The following SMARCA2 variants were observed in gnomAD, a reference collection of about 807,000 sequenced individuals.
SMARCA2 encodes the protein SWI/SNF-related matrix-associated actin-dependent regulator of chromatin subfamily A member 2.
Under a neutral mutation model 199.8 loss-of-function variants are expected in SMARCA2, and 61 were observed. The observed-to-expected ratio is 0.31, with a 90% confidence interval of 0.25 to 0.38. The LOEUF (loss-of-function observed/expected upper bound fraction) is 0.38, where lower values mean the gene tolerates loss of function less well. SMARCA2 is among the 10% of genes least tolerant of loss of function. The pLI is 1.00. For missense variants in SMARCA2, 1,344 were observed against 2,012.2 expected, an observed-to-expected ratio of 0.67 and a Z score of 6.35; for synonymous variants, 935 against 732.0, an observed-to-expected ratio of 1.28 and a Z score of -4.48.
At position 2,193,363 on chromosome 9, in the gene SMARCA2, C is replaced by T. The variant is rs1378613690; in HGVS notation, c.*624C>T. On this transcript the variant is annotated 3_prime_UTR_variant, in exon 34 of 34. Coordinates refer to ENST00000349721, the MANE Select transcript of SMARCA2 (RefSeq NM_003070.5). ...GTAAACATTGCTTAATTTTTTTGCT[C>T]TTGATTTAAAAAAAAGTTTTGTTGA... 6.6e-6 allele frequency: 1 copy of T among 152,338 alleles called. No individual in the cohort carries two copies. The highest frequency in any genetic ancestry group is 1.5e-5 in the Non-Finnish European group (1 of 67,970). 9.4% of individuals were successfully genotyped at this position (152,338 alleles called of 1,614,324 possible).
chr9:2,148,410 T>C (rs1454575486), intron 27 of SMARCA2, among the ~76,000 whole-genome samples: 1 of 151,512 alleles, frequency 6.6e-6, no homozygotes, highest in Non-Finnish European at 1.5e-5. Context: ...TTATTGACTA[T>C]CAGTTGTATA....
At position 2,104,141 on chromosome 9, in the gene SMARCA2, T is replaced by C. The variant is rs1563770877; in HGVS notation, c.3264T>C (p.Phe1088=). Residue 1088 remains phenylalanine (F), a synonymous_variant, in exon 23 of 34, where the codon TTT becomes TTC. Coordinates refer to ENST00000349721, the MANE Select transcript of SMARCA2 (RefSeq NM_003070.5). This position sits in a 1 kb window ranked among gnomAD's most constrained non-coding sequence, Gnocchi z 4.0. ...CCATCATGGAGGATTATTTTGCTTT[T>C]CGGAACTTCCTTTACCTACGCCTTG... The part of the protein sequence containing the change: ...LMTIMEDYFA[F]RNFLYLRLDG... 3.7e-6 allele frequency: 6 copies of C among 1,613,982 alleles called. No homozygotes were observed.
chr9:2,182,478 C>CTTTTTTTTTTTTTTTTTTTTTTTTTTT (rs145095906), intron 31 of SMARCA2, among the ~76,000 whole-genome samples: 1 of 96,732 alleles, frequency 1.0e-5, no homozygotes. Flanking sequence ...AGCTTATAGT[C>CTTTTTTTTTTTTTTTTTTTTTTTTTTT]TTTTTTTTTT....
intron 29 of SMARCA2, among the ~76,000 whole-genome samples, chr9:2,174,041 C>A (rs962325292): frequency 6.6e-6 from 1 of 152,144 alleles, no homozygotes; most frequent in Non-Finnish European, 1.5e-5. Flanking sequence ...TTATGGTGCT[C>A]AGCCAGTTAT....
chr9:2,020,101 G>T (rs1276686781), intron 1 of SMARCA2, among the ~76,000 whole-genome samples: 1 of 152,024 alleles, frequency 6.6e-6, no homozygotes, highest in Non-Finnish European at 1.5e-5. Context: ...CAAATTCTTT[G>T]GTTAACTTGA....
intron 5 of SMARCA2, among the ~76,000 whole-genome samples, chr9:2,050,611 G>A (rs561729863): frequency 2.8e-4 from 42 of 151,580 alleles, no homozygotes; most frequent in African/African-American, 9.5e-4. Flanking sequence ...GCAGGCATAG[G>A]CTGCTTACCT....
rs746146653 is a variant in SMARCA2, at chr9:2,170,999, A to T, written c.4253+527A>T. Among the ~76,000 whole-genome samples the T allele has an allele frequency of 5.3e-5, 8 of 152,210 alleles. No individual in the cohort carries two copies. The highest frequency in any genetic ancestry group is 1.2e-4 in the Non-Finnish European group (8 of 68,038). The stretch of plus-strand genomic sequence containing the variant: ...TTGTTTGTGTGATGGGTTGGGTTTC[A>T]GGGTGTGACTCCTGGGCCTACCTGT... On this transcript the variant is annotated intron_variant, in intron 29 of 33. Coordinates refer to ENST00000349721, the MANE Select transcript of SMARCA2 (RefSeq NM_003070.5). The surrounding 1 kb of genome is among the most constrained non-coding windows in gnomAD (Gnocchi z 4.7).
At chr9:2,076,121 A>C in intron 12 of SMARCA2, 108 bp from the exon 13 acceptor site, 1 of 668,492 alleles carries the variant, frequency 1.5e-6, no homozygotes, top group Non-Finnish European at 2.7e-6. Context: ...TTATGATCTT[A>C]CTTCATTTGT....
rs559766296 is a variant in SMARCA2, at chr9:2,119,340, T to G, written c.3685-118T>G. 4.8e-5 allele frequency: 32 copies of G among 672,696 alleles called. No homozygotes were observed. In the East Asian group the frequency reaches 8.1e-4, roughly 17 times the overall value. 41.7% of individuals were successfully genotyped at this position (672,696 alleles called of 1,614,324 possible). On this transcript the variant is annotated intron_variant, in intron 25 of 33. Coordinates refer to ENST00000349721, the MANE Select transcript of SMARCA2 (RefSeq NM_003070.5). The surrounding 1 kb of genome is among the most constrained non-coding windows in gnomAD (Gnocchi z 4.6). ...TCAAGGACTAAATCCAGCAACCCCT[T>G]CCCTTTTCTTTCTGCCTTGAGAAAT...
At chr9:2,152,408 C>T (rs571756682) in intron 27 of SMARCA2, among the ~76,000 whole-genome samples, 5 of 151,984 alleles carry the variant, frequency 3.3e-5, no homozygotes, top group Non-Finnish European at 5.9e-5. Flanking sequence ...ACAAGATTAG[C>T]CAGGTGTGGT....
chr9:2,144,788 C>G (rs886108612), intron 27 of SMARCA2, among the ~76,000 whole-genome samples: 1 of 151,726 alleles, frequency 6.6e-6, no homozygotes, highest in African/African-American at 2.4e-5. Context: ...CATTAAGAGA[C>G]TCACCTGTTG....
rs1202670943 is a variant in SMARCA2 at position 2,170,738 on chromosome 9, C to G, written c.4253+266C>G. ...TATTGGGAGCTCCTGGAAAGCCCGC[C>G]CTAACTGCAGCATCTTGGAGATGGG... On this transcript the variant is annotated intron_variant, in intron 29 of 33. Transcript: ENST00000349721. This position sits in a 1 kb window ranked among gnomAD's most constrained non-coding sequence, Gnocchi z 4.7. 6.6e-6 allele frequency among the ~76,000 whole-genome samples: 1 copy of G among 152,150 alleles called. No homozygotes were observed. The highest frequency in any genetic ancestry group is 1.5e-5 in the Non-Finnish European group (1 of 68,022).
At chr9:2,150,752 T>C (rs1209375818) in intron 27 of SMARCA2, among the ~76,000 whole-genome samples, 2 of 151,558 alleles carry the variant, frequency 1.3e-5, no homozygotes, top group African/African-American at 4.8e-5. Context: ...AGAGATTTAT[T>C]ATCTCACTGT....
intron 33 of SMARCA2, 35 bp downstream of exon 33, chr9:2,191,443 G>T (rs758525194): frequency 6.2e-7 from 1 of 1,610,918 alleles, no homozygotes; most frequent in Non-Finnish European, 8.5e-7. Context: ...AGGCGGAGAC[G>T]CCCTCTCCCC....
chr9:2,134,270 G>A (rs1824098060), intron 27 of SMARCA2, among the ~76,000 whole-genome samples: 1 of 152,168 alleles, frequency 6.6e-6, no homozygotes, highest in Admixed American at 6.5e-5. Context: ...TTTACTTGCT[G>A]AATATGTTAC....
intron 9 of SMARCA2, among the ~76,000 whole-genome samples, chr9:2,064,127 A>C (rs1045299839): frequency 1.2e-4 from 19 of 152,356 alleles, no homozygotes; most frequent in Non-Finnish European, 2.4e-4. Flanking sequence ...CAGGGTACAA[A>C]AGAGAATGGG....
At chr9:2,069,656 G>A (rs1169417021) in intron 9 of SMARCA2, among the ~76,000 whole-genome samples, 3 of 152,072 alleles carry the variant, frequency 2.0e-5, no homozygotes, top group African/African-American at 7.2e-5. Context: ...AATACTATAT[G>A]TTATGAAAGA....
chr9:2,083,776 A>G (rs571667428), intron 16 of SMARCA2, among the ~76,000 whole-genome samples: 2 of 152,330 alleles, frequency 1.3e-5, no homozygotes, highest in South Asian at 4.1e-4. Flanking sequence ...TGCCTGCTGT[A>G]CTTTCTCAAC....
rs1302597690 is a variant in SMARCA2 at position 2,054,709 on chromosome 9, A to C, written c.1159A>C (p.Asn387His). 1 of 1,614,098 alleles carries C rather than the reference A, an allele frequency of 6.2e-7. No individual in the cohort carries two copies. ...GGAACTAAAAGCACTTCGGTTACTC[A>C]ATTTCCAGCGTCAGGTAATACATTT... is the stretch of plus-strand genomic sequence containing the variant. ...TVELKALRLLNFQRQLRQEVV... is the reference protein window; with the variant it reads ...TVELKALRLLHFQRQLRQEVV... The change falls in exon 6 of 34, where the codon AAT (asparagine) becomes CAT (histidine). Residue 387 changes from asparagine to histidine, a missense_variant. Physicochemically the swap from Asn to His is moderately conservative, Grantham distance 68 (BLOSUM62 1). Transcript: ENST00000349721.
Sources: allele counts gnomAD v4.1 joint callset (sites outside exome capture counted in the v4.1 genomes callset), GRCh38; gene constraint gnomAD v4.1.1; non-coding constraint Gnocchi (gnomAD v3.1); transcripts MANE v1.5; gene names NCBI Gene and HGNC (gene_info 2026-07-23, HGNC 2026-07-21).